PZP: variants seen among roughly 807,000 people sequenced by gnomAD.
The protein encoded by PZP is pregnancy zone protein.
PZP carries 150 observed loss-of-function variants against 179.8 expected under a neutral mutation model. That is an observed-to-expected ratio of 0.83 (90% CI 0.73 to 0.96). The LOEUF is 0.96. Ranked by LOEUF, PZP falls within the 40% of genes least tolerant of loss-of-function variation. The pLI is 0.00. For synonymous variants in PZP, 624 were observed against 652.3 expected (o/e 0.96, Z 0.66); for missense variants, 1,689 against 1,764.0 (o/e 0.96, Z 0.76).
intron 14 of PZP, 86 bp from the exon 15 acceptor site, chr12:9,181,218 A>G: frequency 1.9e-6 from 3 of 1,542,056 alleles, no homozygotes; most frequent in Non-Finnish European, 2.7e-6. Context: ...CCACCCTTAT[A>G]TTCAGTTCAT....
At chr12:9,162,697 C>A in intron 21 of PZP, 49 bp from the exon 22 acceptor site, 1 of 1,388,098 alleles carries the variant, frequency 7.2e-7, no homozygotes, top group Non-Finnish European at 1.0e-6. Flanking sequence ...ATCCTGGTGA[C>A]AAGAGAACCA....
chr12:9,159,066 AAG>A (rs1196046756), intron 25 of PZP, among the ~76,000 whole-genome samples: 1 of 151,960 alleles, frequency 6.6e-6, no homozygotes, highest in East Asian at 1.9e-4. Context: ...TAAAACTACA[AAG>A]AGAGAGAGAG....
chr12:9,181,906 G>C (rs1413261055), intron 14 of PZP, 69 bp downstream of exon 14: 11 of 1,516,904 alleles, frequency 7.3e-6, no homozygotes, highest in Non-Finnish European at 8.9e-6. Context: ...AGTTTTCTCT[G>C]GGGTAAAATA....
At position 9,202,074 on chromosome 12, in the gene PZP, T is replaced by C. The variant is rs775654827; in HGVS notation, c.480+245A>G. Among the ~76,000 whole-genome samples the C allele has an allele frequency of 7.2e-5, 11 of 152,328 alleles. No individual in the cohort carries two copies. The East Asian group carries it at 2.1e-3, about 29-fold the overall frequency. ...TGCTTCTTTAATATTCTTAATGCAGTGTGTTCAGAGTAACAAATGCAGCTA... is the reference window on the plus strand; with the variant it reads ...TGCTTCTTTAATATTCTTAATGCAGCGTGTTCAGAGTAACAAATGCAGCTA... On this transcript the variant is annotated intron_variant, in intron 4 of 35. Transcript: ENST00000261336.
chr12:9,195,867 TATA>T (rs148986919), intron 10 of PZP, among the ~76,000 whole-genome samples: 41,544 of 150,712 alleles, frequency 0.28, 5,886 homozygotes, highest in East Asian at 0.4. Flanking sequence ...CATATAAAAA[TATA>T]ATAATAATAA....
chr12:9,177,758 C>T (rs749039508), intron 15 of PZP, among the ~76,000 whole-genome samples: 35 of 152,330 alleles, frequency 2.3e-4, no homozygotes, highest in African/African-American at 8.4e-4. Flanking sequence ...TTTCTTCTCA[C>T]TTCCACAACA....
chr12:9,193,937 C>A, intron 11 of PZP, 140 bp downstream of exon 11: 1 of 816,482 alleles, frequency 1.2e-6, no homozygotes, highest in Non-Finnish European at 1.8e-6. Flanking sequence ...TCATGAAATT[C>A]TATTATCCTC....
chr12:9,186,476 C>G (rs1342357552), intron 13 of PZP, among the ~76,000 whole-genome samples: 1 of 152,098 alleles, frequency 6.6e-6, no homozygotes, highest in Non-Finnish European at 1.5e-5. Context: ...GATGAAGAAG[C>G]AAGACTCAGT....
intron 15 of PZP, among the ~76,000 whole-genome samples, chr12:9,177,443 A>G (rs1377289878): frequency 6.6e-6 from 1 of 152,214 alleles, no homozygotes; most frequent in African/African-American, 2.4e-5. Context: ...GGCAGGTCAC[A>G]AGCTAGACCC....
In PZP at chr12:9,177,424, C is replaced by T. The variant is rs1021951875; in HGVS notation, c.1839+3559G>A. On this transcript the variant is annotated intron_variant, in intron 15 of 35. Transcript: ENST00000261336. ...CTGCAGCTTTGGCCGCCATGTTAAT[C>T]GCAACCAGGGCAGGTCACAAGCTAG... 1.1e-4 allele frequency among the ~76,000 whole-genome samples: 16 copies of T among 152,282 alleles called. No homozygotes were observed. In the South Asian group the frequency reaches 1.2e-3, roughly 12 times the overall value.
chr12:9,168,831 G>T, intron 17 of PZP, 38 bp downstream of exon 17: 1 of 1,464,712 alleles, frequency 6.8e-7, no homozygotes, highest in Non-Finnish European at 9.6e-7. Context: ...TAATATTGTT[G>T]GACATGAAAT....
chr12:9,206,887 C>T (rs781472927), intron 1 of PZP, among the ~76,000 whole-genome samples: 7 of 152,272 alleles, frequency 4.6e-5, no homozygotes, highest in Middle Eastern at 3.4e-3. Context: ...ACCCAATACA[C>T]GCTACTCGCT....
downstream of PZP, among the ~76,000 whole-genome samples, chr12:9,147,202 C>G (rs1203001448): frequency 6.6e-6 from 1 of 152,184 alleles, no homozygotes; most frequent in African/African-American, 2.4e-5. Flanking sequence ...ACTCTGCTGA[C>G]CAGGGAGAAG....
At chr12:9,140,054 G>T in the PZP span, among the ~76,000 whole-genome samples, 1 of 152,194 alleles carries the variant, frequency 6.6e-6, no homozygotes, top group Non-Finnish European at 1.5e-5. Context: ...CATGTCTCTG[G>T]CTGGGGAGGG....
intron 15 of PZP, among the ~76,000 whole-genome samples, chr12:9,177,244 G>A (rs1942435026): frequency 6.6e-6 from 1 of 152,190 alleles, no homozygotes; most frequent in Non-Finnish European, 1.5e-5. Context: ...TAGCTCTCTT[G>A]GATCACATGC....
chr12:9,185,158 C>G (rs1943023689), intron 13 of PZP, among the ~76,000 whole-genome samples: 1 of 152,156 alleles, frequency 6.6e-6, no homozygotes. Context: ...ATGTTGAAAC[C>G]TAATCTAAGG....
chr12:9,149,396 C>T (rs1012269622), intron 35 of PZP, among the ~76,000 whole-genome samples, 165 bp downstream of exon 35: 3 of 152,008 alleles, frequency 2.0e-5, no homozygotes, highest in Non-Finnish European at 2.9e-5. Flanking sequence ...TTGGAGAGTC[C>T]GCTACAGAAT....
intron 10 of PZP, 58 bp from the exon 11 acceptor site, chr12:9,194,296 C>A: frequency 6.6e-7 from 1 of 1,515,488 alleles, no homozygotes; most frequent in Admixed American, 1.9e-5. Context: ...GGACTGAACT[C>A]ATGTGAACAA....
intron 15 of PZP, among the ~76,000 whole-genome samples, chr12:9,175,148 A>G (rs1158502005): frequency 6.6e-6 from 1 of 152,204 alleles, no homozygotes; most frequent in Non-Finnish European, 1.5e-5. Flanking sequence ...GAACTCAGAG[A>G]TAAAACCGCA....
Sources: gnomAD v4.1 joint callset for allele counts (sites outside exome capture counted in the v4.1 genomes callset) on GRCh38, gnomAD v4.1.1 for gene constraint, MANE v1.5 for transcripts, NCBI Gene and HGNC (gene_info 2026-07-23, HGNC 2026-07-21) for gene names.